The following ZDHHC2 variants were observed in gnomAD, a reference collection of about 807,000 sequenced individuals.
ZDHHC2 encodes the protein zDHHC palmitoyltransferase 2.
In ZDHHC2, 51 loss-of-function variants were observed where a neutral mutation model predicts 55.6. The ratio of observed to expected loss-of-function variants is 0.92; its 90% CI spans 0.73 to 1.16. The LOEUF (loss-of-function observed/expected upper bound fraction) is 1.16, where lower values mean the gene tolerates loss of function less well. ZDHHC2 is among the 50% of genes most tolerant of loss of function. The pLI is 0.00. For synonymous variants in ZDHHC2, 199 were observed against 152.9 expected, an observed-to-expected ratio of 1.30 and a Z score of -2.22; for missense variants, 491 against 442.4, an observed-to-expected ratio of 1.11 and a Z score of -0.99.
chr8:17,215,256 C>G lies in ZDHHC2; in HGVS notation c.970C>G (p.Pro324Ala). ...TAKNLENHQF[P>A]AKPLRESQSH... ...ATTCAGTCTCGAAAACCATCAGTTT[C>G]CTGCAAAGCCATTGAGAGAGTCCCA... is the stretch of plus-strand genomic sequence containing the variant. Residue 324 changes from proline (P) to alanine (A), a missense_variant, in exon 11 of 13, where the codon CCT becomes GCT. Coordinates refer to ENST00000262096, the MANE Select transcript of ZDHHC2 (RefSeq NM_016353.5). The G allele has an allele frequency of 6.3e-7, 1 of 1,599,472 alleles. No homozygotes were observed. Among genetic ancestry groups the G allele is most frequent in the Non-Finnish European group, 8.5e-7 (1 of 1,172,736 alleles).
At chr8:17,208,682 G>C (rs1023226805) in intron 8 of ZDHHC2, among the ~76,000 whole-genome samples, 1 of 152,082 alleles carries the variant, frequency 6.6e-6, no homozygotes, top group Non-Finnish European at 1.5e-5. Context: ...AAACATTATG[G>C]AATTCTCAAA....
chr8:17,193,925 C>G (rs1391817721), intron 3 of ZDHHC2, among the ~76,000 whole-genome samples: 1 of 152,158 alleles, frequency 6.6e-6, no homozygotes, highest in Non-Finnish European at 1.5e-5. Context: ...CCCTAGATCC[C>G]CACCCCACGA....
At position 17,222,830 on chromosome 8, in the gene ZDHHC2, G is replaced by T. The variant is rs1325402205; in HGVS notation, c.*2609G>T. 6.6e-6 allele frequency: 1 copy of T among 151,938 alleles called. No individual in the cohort carries two copies. The highest frequency in any genetic ancestry group is 1.5e-5 in the Non-Finnish European group (1 of 67,784). 9.4% of individuals were successfully genotyped at this position (151,938 alleles called of 1,614,324 possible). ...CTAATAGTTTATTAGAGCTACTAAT[G>T]GCAAAATTCATGTCTTCAATGTGGC... On this transcript the variant is annotated 3_prime_UTR_variant, in exon 13 of 13. Transcript: ENST00000262096.
intron 2 of ZDHHC2, among the ~76,000 whole-genome samples, chr8:17,185,966 A>T (rs1469838116): frequency 6.6e-6 from 1 of 152,190 alleles, no homozygotes; most frequent in Non-Finnish European, 1.5e-5. Flanking sequence ...TTAAAGCCTG[A>T]GTGTTTTAAC....
At chr8:17,205,958 C>G (rs546320346) in intron 7 of ZDHHC2, among the ~76,000 whole-genome samples, 183 bp downstream of exon 7, 3 of 152,176 alleles carry the variant, frequency 2.0e-5, no homozygotes, top group African/African-American at 7.2e-5. Flanking sequence ...ACCCCCACAT[C>G]GATACTGACA....
intron 1 of ZDHHC2, among the ~76,000 whole-genome samples, chr8:17,178,436 G>A (rs895210604): frequency 6.6e-6 from 1 of 151,962 alleles, no homozygotes; most frequent in Non-Finnish European, 1.5e-5. Flanking sequence ...TTTTTCTGTG[G>A]AGAACCCTGA....
chr8:17,196,467 T>C (rs1396624804), intron 4 of ZDHHC2, among the ~76,000 whole-genome samples: 2 of 151,826 alleles, frequency 1.3e-5, no homozygotes, highest in Non-Finnish European at 2.9e-5. Context: ...AGGTGGAGGA[T>C]TGCTTGAGCC....
chr8:17,187,968 C>G (rs1310332227), intron 3 of ZDHHC2, among the ~76,000 whole-genome samples: 1 of 152,252 alleles, frequency 6.6e-6, no homozygotes, highest in Non-Finnish European at 1.5e-5. Context: ...CAGTTTATCA[C>G]TGCTCTAATT....
Position 17,156,802 on chromosome 8 carries a change from A to G in ZDHHC2, c.79A>G (p.Thr27Ala), listed in dbSNP as rs1278075165. The change falls in exon 1 of 13, where the codon ACC becomes GCC. Residue 27 changes from threonine (T) to alanine (A), a missense_variant. Physicochemically the swap from Thr to Ala is moderately conservative, Grantham distance 58. Coordinates refer to ENST00000262096, the MANE Select transcript of ZDHHC2 (RefSeq NM_016353.5). ...VLYWIPVVFI[T>A]LLLGWSYYAY... ...GTACTGGATCCCGGTGGTGTTCATC[A>G]CCCTCCTGCTCGGCTGGTCCTACTA... 2.6e-6 allele frequency: 4 copies of G among 1,520,164 alleles called. No homozygotes were observed. The highest frequency in any genetic ancestry group is 3.5e-6 in the Non-Finnish European group (4 of 1,133,162). 94.2% of individuals were successfully genotyped at this position (1,520,164 alleles called of 1,614,324 possible). A position where few individuals can be genotyped will look rare whatever the true frequency, so the allele number is the denominator to read the frequency against.
chr8:17,213,303 G>A (rs1807479362), intron 10 of ZDHHC2, among the ~76,000 whole-genome samples: 1 of 151,324 alleles, frequency 6.6e-6, no homozygotes, highest in Admixed American at 6.6e-5. Context: ...ACCCCGTCTG[G>A]AGTGCAGTGA....
chr8:17,184,932 G>T, intron 2 of ZDHHC2, 117 bp downstream of exon 2: 1 of 830,778 alleles, frequency 1.2e-6, no homozygotes, highest in Non-Finnish European at 1.8e-6. Flanking sequence ...GACAAGCTAG[G>T]GTTAAAGATG....
At chr8:17,178,878 C>G (rs1435209034) in intron 1 of ZDHHC2, among the ~76,000 whole-genome samples, 1 of 152,226 alleles carries the variant, frequency 6.6e-6, no homozygotes. Context: ...AAAACTGTCA[C>G]TCTTATCAGT....
intron 1 of ZDHHC2, among the ~76,000 whole-genome samples, chr8:17,171,246 A>G (rs1804838914): frequency 6.6e-6 from 1 of 152,216 alleles, no homozygotes; most frequent in African/African-American, 2.4e-5. Context: ...AAACAGGAGA[A>G]GTAAACTTAC....
intron 1 of ZDHHC2, among the ~76,000 whole-genome samples, chr8:17,160,385 C>G (rs759746754): frequency 1.3e-5 from 2 of 152,136 alleles, no homozygotes; most frequent in African/African-American, 4.8e-5. Flanking sequence ...AATTTGCTTA[C>G]GGTTTTAGTT....
intron 10 of ZDHHC2, among the ~76,000 whole-genome samples, chr8:17,213,533 A>T (rs781540557): frequency 2.6e-5 from 4 of 152,154 alleles, no homozygotes; most frequent in African/African-American, 9.7e-5. Flanking sequence ...GATTACAGGC[A>T]TGAGCCACTA....
chr8:17,163,510 T>C (rs1203803690), intron 1 of ZDHHC2, among the ~76,000 whole-genome samples: 2 of 152,198 alleles, frequency 1.3e-5, no homozygotes, highest in African/African-American at 4.8e-5. Context: ...GTTTCATTTG[T>C]TTTTATGTTT....
At chr8:17,203,290 A>G (rs1045856889) in intron 6 of ZDHHC2, among the ~76,000 whole-genome samples, 1 of 152,090 alleles carries the variant, frequency 6.6e-6, no homozygotes, top group African/African-American at 2.4e-5. Flanking sequence ...CTTGTCGCCC[A>G]GGCTGGAGTG....
At chr8:17,168,917 A>G (rs756785021) in intron 1 of ZDHHC2, among the ~76,000 whole-genome samples, 3 of 152,088 alleles carry the variant, frequency 2.0e-5, no homozygotes, top group Admixed American at 1.3e-4. Flanking sequence ...TATATCAGAT[A>G]TTGTTTATCC....
rs1491385427 is a variant in ZDHHC2, at chr8:17,199,488, T to TTCG, written c.476+1077_476+1078insGTC. Among the ~76,000 whole-genome samples the TTCG allele has an allele frequency of 2.0e-3, 64 of 31,788 alleles. 1 individual carries two copies. Among genetic ancestry groups the TTCG allele is most frequent in the Middle Eastern group, 0.017 (1 of 60 alleles). 20.9% of individuals were successfully genotyped at this position (31,788 alleles called of 152,430 possible). The stretch of plus-strand genomic sequence containing the variant: ...AGACTTCTTCTTCTTCTTCTTCTTC[T>TTCG]TCTTCTTCTTCTTCTTCTTCTTCTT... On this transcript the variant is annotated intron_variant, in intron 6 of 12. Transcript: ENST00000262096.
Sources: allele counts gnomAD v4.1 joint callset (sites outside exome capture counted in the v4.1 genomes callset), GRCh38; gene constraint gnomAD v4.1.1; transcripts MANE v1.5; gene names NCBI Gene and HGNC (gene_info 2026-07-23, HGNC 2026-07-21).